Variants in PTX4 observed in about 807,000 individuals in gnomAD.
PTX4 encodes the protein pentraxin-4.
PTX4 carries 23 observed loss-of-function variants against 19.1 expected under a neutral mutation model. That is an observed-to-expected ratio of 1.20 (90% CI 0.87 to 1.70). The LOEUF is 1.70. Ranked by LOEUF, PTX4 falls within the 40% of genes most tolerant of loss-of-function variation. The pLI, the probability that PTX4 is intolerant of heterozygous loss-of-function variation, is 0.00. For synonymous variants in PTX4, 317 were observed against 279.6 expected, an observed-to-expected ratio of 1.13 and a Z score of -1.33; for missense variants, 678 against 610.5, an observed-to-expected ratio of 1.11 and a Z score of -1.17.
chr16:1,488,842 G>GC lies in PTX4; in HGVS notation c.67dup (p.Ala23GlyfsTer21), dbSNP rs2039274641. On this transcript the variant is annotated frameshift_variant, in exon 1 of 3. Transcript: ENST00000447419. LOFTEE classifies it high-confidence loss of function. ...CACTGGGGCGGCTTCCTGCGATGAAGCCCCATGTAGATATATAGGCACAAA... is the reference window on the plus strand; with the variant it reads ...CACTGGGGCGGCTTCCTGCGATGAAGCCCCCATGTAGATATATAGGCACAAA... 2.8e-6 allele frequency: 2 copies of GC among 702,582 alleles called. No homozygotes were observed. 43.5% of individuals were successfully genotyped at this position (702,582 alleles called of 1,614,324 possible).
chr16:1,488,521 C>G, intron 1 of PTX4: 1 of 1,544,492 alleles, frequency 6.5e-7, no homozygotes, highest in South Asian at 1.2e-5. Flanking sequence ...TCCAGACCCC[C>G]TTCTAGCCTC....
Position 1,487,454 on chromosome 16 carries a change from T to A in PTX4, c.658A>T (p.Arg220Trp). The change falls in exon 2 of 3, where the codon AGG becomes TGG. Residue 220 changes from arginine (R) to tryptophan (W), a missense_variant. By Grantham distance (101) the Arg-to-Trp change is moderately radical (BLOSUM62 -3). Coordinates refer to ENST00000447419, the MANE Select transcript of PTX4 (RefSeq NM_001328608.2). ...GCCGAGGAGTCCTGTGGGGGGCCCC[T>A]GTGCTCAGAGGCAGCTCGGAGCTCC... The part of the protein sequence containing the change: ...RQELRAASEH[R>W]GPPQDSSAPL... The A allele has an allele frequency of 1.3e-6, 2 of 1,509,510 alleles. No homozygotes were observed. Among genetic ancestry groups the A allele is most frequent in the African/African-American group, 2.8e-5 (2 of 70,688 alleles). 93.5% of individuals were successfully genotyped at this position (1,509,510 alleles called of 1,614,324 possible). A position where few individuals can be genotyped will look rare whatever the true frequency, so the allele number is the denominator to read the frequency against.
intron 2 of PTX4, 64 bp downstream of exon 2, chr16:1,487,252 G>A: frequency 1.4e-6 from 2 of 1,395,734 alleles, no homozygotes; most frequent in Non-Finnish European, 1.9e-6. Flanking sequence ...CTTTTCCAGG[G>A]GGCCTGGTCT....
Position 1,488,787 on chromosome 16 carries a change from G to A in PTX4, c.123C>T (p.Leu41=). ...VGPRKPFFER[L]RRLEEQFRRF... ...AACTTGCCTGTTCCTCCAGCCTACG[G>A]AGCCTCTCGAAAAACGGTTTCCTGG... The change falls in exon 1 of 3, where the codon CTC becomes CTT. Residue 41 remains leucine (L), a synonymous_variant. Transcript: ENST00000447419. The A allele has an allele frequency of 1.4e-6, 1 of 701,880 alleles. No individual in the cohort carries two copies. Among genetic ancestry groups the A allele is most frequent in the Non-Finnish European group, 2.6e-6 (1 of 384,178 alleles). The allele number at this position is 701,880 out of a possible 1,614,324, so 43.5% of individuals were successfully genotyped here. A position where few individuals can be genotyped will look rare whatever the true frequency, so the allele number is the denominator to read the frequency against.
chr16:1,486,904 C>G (rs1453053842), intron 2 of PTX4, among the ~76,000 whole-genome samples: 1 of 152,224 alleles, frequency 6.6e-6, no homozygotes, highest in Non-Finnish European at 1.5e-5. Flanking sequence ...TCATGACTCA[C>G]AACAGCGCAG....
rs2039260165 is a variant in PTX4 at position 1,487,695 on chromosome 16, T to C, written c.417A>G (p.Glu139=). Residue 139 remains glutamate, a synonymous_variant, in exon 2 of 3, where the codon GAA becomes GAG. Coordinates refer to ENST00000447419, the MANE Select transcript of PTX4 (RefSeq NM_001328608.2). Reference sequence around the variant, plus strand: ...CCCTCTGGGCCTTGTGTGCCTTCCTTTCCCGGGCCCGCTGCTGGCTCCTCT... The same window carrying C: ...CCCTCTGGGCCTTGTGTGCCTTCCTCTCCCGGGCCCGCTGCTGGCTCCTCT... ...LGERSQQRAR[E]RKAHKAQRDA... is the part of the protein sequence containing the mutation. 2.5e-6 allele frequency: 4 copies of C among 1,610,808 alleles called. No individual in the cohort carries two copies. The highest frequency in any genetic ancestry group is 3.4e-6 in the Non-Finnish European group (4 of 1,178,370).
At position 1,487,379 on chromosome 16, in the gene PTX4, GTA is replaced by G. The variant is rs756223250; in HGVS notation, c.731_732del (p.Val244AlafsTer78). The G allele has an allele frequency of 3.7e-5, 57 of 1,556,496 alleles. No homozygotes were observed. The Admixed American group carries it at 1.1e-3, about 31-fold the overall frequency. On this transcript the variant is annotated frameshift_variant, in exon 2 of 3. Transcript: ENST00000447419. LOFTEE classifies it high-confidence loss of function. Reference protein sequence around the residue: ...REPPASGSHRVLSGTAPKDPR... With the variant: ...REPPASGSHRXLSGTAPKDPR... ...GGGTCTTTTGGGGCAGTCCCACTGA[GTA>G]CCCGATGGCTGCCTGAGGCTGGAGG...
chr16:1,487,938 G>C lies in PTX4; in HGVS notation c.174C>G (p.His58Gln), dbSNP rs1182921518. The C allele has an allele frequency of 1.2e-6, 2 of 1,601,942 alleles. No homozygotes were observed. The highest frequency in any genetic ancestry group is 1.7e-6 in the Non-Finnish European group (2 of 1,172,740). The change falls in exon 2 of 3, where the codon CAC (histidine) becomes CAG (glutamine). Residue 58 changes from histidine to glutamine, a missense_variant. Transcript: ENST00000447419. ...FRRFQEVTWT[H>Q]LQNIASNYNV... is the part of the protein sequence containing the mutation. ...TGTAGTTGCTGGCGATGTTCTGCAG[G>C]TGTGTCCAGGTCACCTCCTGGAATC...
chr16:1,486,137 T>G lies in PTX4; in HGVS notation c.1239A>C (p.Gly413=). 6.2e-7 allele frequency: 1 copy of G among 1,614,136 alleles called. No homozygotes were observed. Among genetic ancestry groups the G allele is most frequent in the Non-Finnish European group, 8.5e-7 (1 of 1,180,022 alleles). Residue 413 remains glycine (G), a synonymous_variant, in exon 3 of 3, where the codon GGA becomes GGC. Transcript: ENST00000447419. ...LGQEQDSVGG[G]FDSSEAFVGS... is the part of the protein sequence containing the mutation. ...CCACGAAGGCCTCGGAGCTGTCGAA[T>G]CCGCCCCCCACGCTGTCTTGTTCCT...
intron 1 of PTX4, chr16:1,488,262 C>T (rs72779260): frequency 0.091 from 141,522 of 1,559,806 alleles, 7,330 homozygotes; most frequent in African/African-American, 0.15. Flanking sequence ...CACTTTCCCT[C>T]GTGATTCCAG....
Position 1,487,431 on chromosome 16 carries a change from C to T in PTX4, c.681G>A (p.Ser227=), listed in dbSNP as rs368786490. The T allele has an allele frequency of 9.2e-5, 140 of 1,520,378 alleles. No homozygotes were observed. The highest frequency in any genetic ancestry group is 8.1e-4 in the South Asian group (61 of 75,610). The allele number at this position is 1,520,378 out of a possible 1,614,324, so 94.2% of individuals were successfully genotyped here. Reference sequence around the variant, plus strand: ...GCTCCCGCCTCCCTTGGAGAGGGGCCGAGGAGTCCTGTGGGGGGCCCCTGT... The same window carrying T: ...GCTCCCGCCTCCCTTGGAGAGGGGCTGAGGAGTCCTGTGGGGGGCCCCTGT... ...SEHRGPPQDS[S]APLQGRREPP... Residue 227 remains serine (S), a synonymous_variant, in exon 2 of 3, where the codon TCG becomes TCA. Transcript: ENST00000447419.
rs919183102 is a variant in PTX4 at position 1,488,047 on chromosome 16, C to A, written c.142-77G>T. 3.5e-6 allele frequency: 5 copies of A among 1,443,140 alleles called. No individual in the cohort carries two copies. The African/African-American group carries it at 7.1e-5, about 21-fold the overall frequency. The allele number at this position is 1,443,140 out of a possible 1,614,324, so 89.4% of individuals were successfully genotyped here. ...CGGGACGGGAAAGGCTTTGCCCTCT[C>A]AAGTTGGGAGCAGCGGCCGCGTGCC... On this transcript the variant is annotated intron_variant, in intron 1 of 2. Coordinates refer to ENST00000447419, the MANE Select transcript of PTX4 (RefSeq NM_001328608.2).
At chr16:1,487,181 C>T (rs746246416) in intron 2 of PTX4, 135 bp downstream of exon 2, 71 of 832,928 alleles carry the variant, frequency 8.5e-5, no homozygotes, top group Non-Finnish European at 1.1e-4. Context: ...GGCCACCCCC[C>T]CCGATGATCC....
At position 1,487,741 on chromosome 16, in the gene PTX4, G is replaced by C. The variant is rs762034256; in HGVS notation, c.371C>G (p.Ala124Gly). Residue 124 changes from alanine to glycine, a missense_variant, in exon 2 of 3, where the codon GCC becomes GGC. Physicochemically the swap from Ala to Gly is moderately conservative, Grantham distance 60 (BLOSUM62 0). Coordinates refer to ENST00000447419, the MANE Select transcript of PTX4 (RefSeq NM_001328608.2). The stretch of plus-strand genomic sequence containing the variant: ...CCTCTCGCCCAGGGTGAGGTCCAAG[G>C]CCCGCAGCCGCGTGTCTACTTTCCG... ...RGRKVDTRLRALDLTLGERSQ... is the reference protein window; with the variant it reads ...RGRKVDTRLRGLDLTLGERSQ... 3.1e-6 allele frequency: 5 copies of C among 1,612,510 alleles called. No homozygotes were observed. In the South Asian group the frequency reaches 5.5e-5, roughly 18 times the overall value.
intron 1 of PTX4, chr16:1,488,379 T>A: frequency 6.2e-7 from 1 of 1,613,928 alleles, no homozygotes; most frequent in Non-Finnish European, 8.5e-7. Flanking sequence ...ACTCCGGAAC[T>A]GTCCGTGGAC....
Position 1,487,471 on chromosome 16 carries a change from C to T in PTX4, c.641G>A (p.Arg214Gln), listed in dbSNP as rs1456037362. Residue 214 changes from arginine (R) to glutamine (Q), a missense_variant, in exon 2 of 3, where the codon CGA becomes CAA. By Grantham distance (43) the Arg-to-Gln change is conservative. Transcript: ENST00000447419. Reference sequence around the variant, plus strand: ...GGGGCCCCTGTGCTCAGAGGCAGCTCGGAGCTCCTGCCTGTCCCTCTGAAG... The same window carrying T: ...GGGGCCCCTGTGCTCAGAGGCAGCTTGGAGCTCCTGCCTGTCCCTCTGAAG... ...LKLQRDRQEL[R>Q]AASEHRGPPQ... 15 of 1,508,538 alleles carry T rather than the reference C, an allele frequency of 9.9e-6. No individual in the cohort carries two copies. Among genetic ancestry groups the T allele is most frequent in the Middle Eastern group, 1.9e-4 (1 of 5,196 alleles). 93.4% of individuals were successfully genotyped at this position (1,508,538 alleles called of 1,614,324 possible). A position where few individuals can be genotyped will look rare whatever the true frequency, so the allele number is the denominator to read the frequency against.
intron 2 of PTX4, 74 bp from the exon 3 acceptor site, chr16:1,486,653 G>A (rs1282391633): frequency 2.1e-6 from 3 of 1,454,026 alleles, no homozygotes; most frequent in Admixed American, 5.3e-5. Flanking sequence ...ACGTGCTGTG[G>A]GTGCCTGGCC....
rs749840483 is a variant in PTX4 at position 1,487,308 on chromosome 16, G to T, written c.796+8C>A. The T allele has an allele frequency of 6.6e-7, 1 of 1,524,016 alleles. No homozygotes were observed. Among genetic ancestry groups the T allele is most frequent in the Non-Finnish European group, 8.7e-7 (1 of 1,143,328 alleles). 94.4% of individuals were successfully genotyped at this position (1,524,016 alleles called of 1,614,324 possible). On this transcript the variant is annotated splice_region_variant and intron_variant, in intron 2 of 2. Transcript: ENST00000447419. ...CCTGGCCGTGAGCTGGGAGCCTGTG[G>T]TACTTACTCTCTCCTGGCACCTGGG...
rs2039272739 is a variant in PTX4 at position 1,488,651 on chromosome 16, A to G, written c.141+118T>C. 9.4e-6 allele frequency: 6 copies of G among 637,386 alleles called. No individual in the cohort carries two copies. The Admixed American group carries it at 1.3e-4, about 14-fold the overall frequency. 39.5% of individuals were successfully genotyped at this position (637,386 alleles called of 1,614,324 possible). A position where few individuals can be genotyped will look rare whatever the true frequency, so the allele number is the denominator to read the frequency against. ...AATCTTCATGGATGGAAAGAGCGTC[A>G]CACGCGGTGTTCGTGTCCGCCAAGC... On this transcript the variant is annotated intron_variant, in intron 1 of 2. Coordinates refer to ENST00000447419, the MANE Select transcript of PTX4 (RefSeq NM_001328608.2).
Sources: gnomAD v4.1 joint callset for allele counts (sites outside exome capture counted in the v4.1 genomes callset) on GRCh38, gnomAD v4.1.1 for gene constraint, MANE v1.5 for transcripts, NCBI Gene and HGNC (gene_info 2026-07-23, HGNC 2026-07-21) for gene names.